The following SCLT1 variants were observed in gnomAD, a reference collection of about 807,000 sequenced individuals.
The protein encoded by SCLT1 is sodium channel-associated protein 1.
A neutral mutation model predicts 112.8 loss-of-function variants in SCLT1; 78 were observed. That is an observed-to-expected ratio of 0.69 (90% CI 0.58 to 0.83). The LOEUF is 0.83. Ranked by LOEUF, SCLT1 falls within the 40% of genes least tolerant of loss-of-function variation. The probability of loss-of-function intolerance (pLI) is 0.00; values close to 1 mark genes in which losing one functional copy is unlikely to be tolerated. For synonymous variants in SCLT1, 257 were observed against 254.7 expected, an observed-to-expected ratio of 1.01 and a Z score of -0.09; for missense variants, 747 against 770.4, an observed-to-expected ratio of 0.97 and a Z score of 0.36.
intron 3 of SCLT1, among the ~76,000 whole-genome samples, chr4:128,877,660 G>A (rs2125914690): frequency 6.6e-6 from 1 of 151,804 alleles, no homozygotes; most frequent in African/African-American, 2.4e-5. Context: ...CAGCCTGGGT[G>A]ACAGAGTGAG....
At chr4:129,029,255 T>C (rs1043770909) in intron 5 of SCLT1, among the ~76,000 whole-genome samples, 3 of 151,912 alleles carry the variant, frequency 2.0e-5, no homozygotes, top group Non-Finnish European at 4.4e-5. Context: ...CTATTCACAA[T>C]AGCAAAGACT....
chr4:128,994,743 T>C (rs1742864969), intron 8 of SCLT1, among the ~76,000 whole-genome samples: 1 of 152,112 alleles, frequency 6.6e-6, no homozygotes, highest in South Asian at 2.1e-4. Flanking sequence ...GTAGTTTTAG[T>C]ATTTATGTTT....
chr4:128,892,119 A>C (rs1303470581), intron 18 of SCLT1, among the ~76,000 whole-genome samples: 1 of 152,198 alleles, frequency 6.6e-6, no homozygotes, highest in Non-Finnish European at 1.5e-5. Context: ...TTTATGCTTC[A>C]TTAGCTGAAA....
chr4:128,936,996 T>C, intron 17 of SCLT1, 145 bp from the exon 18 acceptor site: 1 of 451,604 alleles, frequency 2.2e-6, no homozygotes, highest in Non-Finnish European at 3.8e-6. Flanking sequence ...AAATCAAGTT[T>C]GGTCAGGTGC....
intron 5 of SCLT1, among the ~76,000 whole-genome samples, chr4:129,016,472 T>C (rs1745006227): frequency 6.6e-6 from 1 of 152,176 alleles, no homozygotes; most frequent in Non-Finnish European, 1.5e-5. Flanking sequence ...TGTGGATCTG[T>C]TTTTACTGCC....
chr4:129,087,084 G>T (rs1176400980), intron 1 of SCLT1, among the ~76,000 whole-genome samples: 2 of 152,126 alleles, frequency 1.3e-5, no homozygotes, highest in African/African-American at 4.8e-5. Context: ...GACACGGGGG[G>T]AGGAAATGCA....
In SCLT1 at chr4:128,939,156, T is replaced by G. The variant is rs534205532; in HGVS notation, c.1633-2305A>C. Among the ~76,000 whole-genome samples the G allele has an allele frequency of 3.9e-5, 6 of 152,370 alleles. No individual in the cohort carries two copies. In the South Asian group the frequency reaches 1.2e-3, roughly 32 times the overall value. On this transcript the variant is annotated intron_variant, in intron 17 of 20. Coordinates refer to ENST00000281142, the MANE Select transcript of SCLT1 (RefSeq NM_144643.4). ...ATGATAACCTGGTCCCTGCTTACTT[T>G]TACAAGCTTGTGTTGTGCCACACTA...
intron 3 of SCLT1, 122 bp downstream of exon 3, chr4:129,043,871 T>C (rs1450727): frequency 0.31 from 192,451 of 615,414 alleles, 32,564 homozygotes; most frequent in Non-Finnish European, 0.35. Context: ...TCTTGTCAAT[T>C]CAAGAACAAA....
chr4:128,967,208 T>C (rs1387791273), intron 10 of SCLT1, among the ~76,000 whole-genome samples: 1 of 152,228 alleles, frequency 6.6e-6, no homozygotes, highest in Non-Finnish European at 1.5e-5. Context: ...TATGGCTGTG[T>C]AGTATTCCAT....
chr4:128,874,815 G>C (rs1732454581), intron 4 of SCLT1: 1 of 152,408 alleles, frequency 6.6e-6, no homozygotes, highest in Non-Finnish European at 1.5e-5. Context: ...CAAAATGTAG[G>C]CTAGTTAAAC....
chr4:128,873,295 A>G (rs1323809404), intron 5 of SCLT1: 1 of 152,032 alleles, frequency 6.6e-6, no homozygotes, highest in Non-Finnish European at 1.5e-5. Context: ...AAAAAAAGAA[A>G]AAAGAAAAAA....
chr4:129,041,692 A>G (rs1747709520), intron 4 of SCLT1: 1 of 152,202 alleles, frequency 6.6e-6, no homozygotes, highest in Non-Finnish European at 1.5e-5. Flanking sequence ...AGTGTCTGCC[A>G]CACACACAGG....
At chr4:129,073,806 A>G (rs1751227013) in intron 2 of SCLT1, among the ~76,000 whole-genome samples, 1 of 152,202 alleles carries the variant, frequency 6.6e-6, no homozygotes, top group South Asian at 2.1e-4. Context: ...ATAGCTCTCT[A>G]TAACTTACTA....
intron 2 of SCLT1, among the ~76,000 whole-genome samples, chr4:129,066,224 C>T (rs1750472966): frequency 6.6e-6 from 1 of 151,592 alleles, no homozygotes; most frequent in South Asian, 2.1e-4. Flanking sequence ...TAAATGAAAG[C>T]CCACAATTTA....
downstream of SCLT1, among the ~76,000 whole-genome samples, chr4:128,879,128 A>C (rs1350379840): frequency 1.3e-5 from 2 of 152,114 alleles, no homozygotes; most frequent in Non-Finnish European, 1.5e-5. Flanking sequence ...AAAGTATTAA[A>C]AAAAAAAAAG....
At chr4:129,090,312 T>C (rs918319308) in intron 1 of SCLT1, among the ~76,000 whole-genome samples, 1 of 152,088 alleles carries the variant, frequency 6.6e-6, no homozygotes, top group Non-Finnish European at 1.5e-5. Flanking sequence ...AAGAATAGAG[T>C]TCATTAATAG....
chr4:128,887,559 T>C (rs962967474), intron 20 of SCLT1, among the ~76,000 whole-genome samples: 2 of 152,268 alleles, frequency 1.3e-5, no homozygotes, highest in Admixed American at 6.5e-5. Flanking sequence ...AGTAATTTGA[T>C]TTGTTTTTGT....
At chr4:129,055,535 G>A (rs564811436) in intron 2 of SCLT1, among the ~76,000 whole-genome samples, 5 of 152,276 alleles carry the variant, frequency 3.3e-5, no homozygotes, top group South Asian at 4.1e-4. Context: ...ATTGTGTTGA[G>A]TTCTGCCCAG....
chr4:128,985,231 C>T (rs925192974), intron 9 of SCLT1, among the ~76,000 whole-genome samples: 1 of 151,964 alleles, frequency 6.6e-6, no homozygotes, highest in African/African-American at 2.4e-5. Context: ...GAACTTTATT[C>T]TCTTGTAATA....
Sources: gnomAD v4.1 joint callset for allele counts (sites outside exome capture counted in the v4.1 genomes callset) on GRCh38, gnomAD v4.1.1 for gene constraint, MANE v1.5 for transcripts, NCBI Gene and HGNC (gene_info 2026-07-23, HGNC 2026-07-21) for gene names.